Variants in SKAP2 observed in about 807,000 individuals in gnomAD.
SKAP2 encodes src kinase associated phosphoprotein 2.
A neutral mutation model predicts 54.9 loss-of-function variants in SKAP2; 28 were observed. The observed-to-expected ratio is 0.51, with a 90% CI of 0.38 to 0.70. The LOEUF is 0.70. Among genes scored for constraint, SKAP2 ranks in the 30% least tolerant of loss-of-function variants. SKAP2 has a pLI of 0.00. For missense variants in SKAP2, 356 were observed against 424.1 expected (o/e 0.84, Z 1.41); for synonymous variants, 137 against 134.3 (o/e 1.02, Z -0.14).
intron 1 of SKAP2, among the ~76,000 whole-genome samples, chr7:26,862,911 G>A (rs746884799): frequency 2.6e-5 from 4 of 151,926 alleles, no homozygotes; most frequent in East Asian, 1.9e-4. Context: ...ATTTTTCTGC[G>A]CTGGTTATTA....
chr7:26,833,149 GAC>G (rs1784630877), intron 4 of SKAP2, among the ~76,000 whole-genome samples: 1 of 152,002 alleles, frequency 6.6e-6, no homozygotes, highest in Non-Finnish European at 1.5e-5. Context: ...GGAATTAAAA[GAC>G]ACAAACTGTG....
At chr7:26,857,751 A>T (rs1002647049) in intron 1 of SKAP2, 24 of 984,784 alleles carry the variant, frequency 2.4e-5, no homozygotes, top group Admixed American at 1.8e-4. Context: ...TTTGTAGCTC[A>T]GAGCCAGGGT....
At position 26,670,071 on chromosome 7, in the gene SKAP2, T is replaced by C; in HGVS notation, c.*9+20A>G. Reference sequence around the variant, plus strand: ...AGAACATATGAGCTATTACAGAATATTGGATTAAAATGTACTTACCCAGGA... The same window carrying C: ...AGAACATATGAGCTATTACAGAATACTGGATTAAAATGTACTTACCCAGGA... On this transcript the variant is annotated intron_variant, in intron 12 of 12. Coordinates refer to ENST00000345317, the MANE Select transcript of SKAP2 (RefSeq NM_003930.5). 1 of 968,192 alleles carries C rather than the reference T, an allele frequency of 1.0e-6. No homozygotes were observed. The highest frequency in any genetic ancestry group is 1.7e-6 in the Non-Finnish European group (1 of 591,200). 60.0% of individuals were successfully genotyped at this position (968,192 alleles called of 1,614,324 possible). A position where few individuals can be genotyped will look rare whatever the true frequency, so the allele number is the denominator to read the frequency against.
chr7:26,757,785 G>A (rs1562599488), intron 4 of SKAP2, among the ~76,000 whole-genome samples: 1 of 152,084 alleles, frequency 6.6e-6, no homozygotes, highest in Non-Finnish European at 1.5e-5. Flanking sequence ...TTTTTGAGAT[G>A]GAGTCTTGCT....
intron 4 of SKAP2, among the ~76,000 whole-genome samples, chr7:26,741,354 C>A (rs536863612): frequency 6.6e-6 from 1 of 151,528 alleles, no homozygotes; most frequent in Non-Finnish European, 1.5e-5. Flanking sequence ...CCCATCTCTA[C>A]GAAAAATTTA....
At chr7:26,845,803 C>A (rs962330195) in intron 3 of SKAP2, among the ~76,000 whole-genome samples, 2 of 151,960 alleles carry the variant, frequency 1.3e-5, no homozygotes, top group African/African-American at 4.8e-5. Flanking sequence ...GTGTGGTGGC[C>A]TGCACCTATA....
chr7:26,793,712 T>C (rs1783714766), intron 4 of SKAP2, among the ~76,000 whole-genome samples: 1 of 152,148 alleles, frequency 6.6e-6, no homozygotes, highest in Non-Finnish European at 1.5e-5. Context: ...AGTTTCCTCA[T>C]CTGTAAAATA....
At chr7:26,827,368 C>T (rs1339342887) in intron 4 of SKAP2, among the ~76,000 whole-genome samples, 1 of 152,122 alleles carries the variant, frequency 6.6e-6, no homozygotes, top group Non-Finnish European at 1.5e-5. Context: ...GAAAAACTTT[C>T]AGCACGCTCC....
intron 4 of SKAP2, among the ~76,000 whole-genome samples, chr7:26,785,482 G>A (rs926368003): frequency 6.6e-6 from 1 of 152,092 alleles, no homozygotes; most frequent in South Asian, 2.1e-4. Context: ...CATCGCGCCC[G>A]GCCGAGGAAA....
rs561698488 is a variant in SKAP2, at chr7:26,759,128, C to T, written c.308-19164G>A. On this transcript the variant is annotated intron_variant, in intron 4 of 12. Coordinates refer to ENST00000345317, the MANE Select transcript of SKAP2 (RefSeq NM_003930.5). ...AGGTAATAACTAGTATTCCAAATTC[C>T]ACCTGGGGAAATGAATTTTATGGCT... Among the ~76,000 whole-genome samples, 9 of 152,156 alleles carry T rather than the reference C, an allele frequency of 5.9e-5. 1 individual carries two copies. The South Asian group carries it at 1.7e-3, about 28-fold the overall frequency.
intron 4 of SKAP2, among the ~76,000 whole-genome samples, chr7:26,803,231 A>G (rs1160142632): frequency 3.3e-5 from 5 of 152,210 alleles, no homozygotes; most frequent in African/African-American, 1.2e-4. Context: ...CTGACAAGGG[A>G]TTAGTAACCA....
At position 26,854,156 on chromosome 7, in the gene SKAP2, A is replaced by T; in HGVS notation, c.180T>A (p.Leu60=). 6.3e-7 allele frequency: 1 copy of T among 1,584,316 alleles called. No homozygotes were observed. Among genetic ancestry groups the T allele is most frequent in the Non-Finnish European group, 8.6e-7 (1 of 1,164,570 alleles). ...ACTTACCTTTGTCTTGAAATTCCTGAAGATAGCTACAAAACAAAGAACATA... is the reference window on the plus strand; with the variant it reads ...ACTTACCTTTGTCTTGAAATTCCTGTAGATAGCTACAAAACAAAGAACATA... ...KKIKDVKSIY[L]QEFQDKGDAE... The change falls in exon 3 of 13, where the codon CTT becomes CTA. Residue 60 remains leucine (L), a synonymous_variant. Coordinates refer to ENST00000345317, the MANE Select transcript of SKAP2 (RefSeq NM_003930.5).
chr7:26,703,183 T>C (rs1787081943), intron 9 of SKAP2, among the ~76,000 whole-genome samples: 2 of 152,266 alleles, frequency 1.3e-5, no homozygotes, highest in South Asian at 2.1e-4. Flanking sequence ...AGAAGAAGAA[T>C]TGTCTTGGGC....
intron 9 of SKAP2, among the ~76,000 whole-genome samples, chr7:26,692,320 G>A (rs1206611461): frequency 2.0e-5 from 3 of 152,156 alleles, no homozygotes; most frequent in African/African-American, 7.2e-5. Context: ...AAAGAGTTGT[G>A]TTTTCAACAG....
chr7:26,749,518 G>A (rs867416095), intron 4 of SKAP2, among the ~76,000 whole-genome samples: 24 of 151,994 alleles, frequency 1.6e-4, no homozygotes, highest in African/African-American at 5.6e-4. Flanking sequence ...GGAGGCTGAG[G>A]CAGAAGGATC....
At chr7:26,687,531 G>C (rs1435969217) in intron 10 of SKAP2, among the ~76,000 whole-genome samples, 1 of 151,838 alleles carries the variant, frequency 6.6e-6, no homozygotes, top group Non-Finnish European at 1.5e-5. Context: ...AAAATCGTAA[G>C]TAGGGGGAAA....
intron 4 of SKAP2, among the ~76,000 whole-genome samples, chr7:26,743,230 G>A (rs1362059195): frequency 6.6e-6 from 1 of 152,132 alleles, no homozygotes; most frequent in Admixed American, 6.6e-5. Flanking sequence ...CTGGGTCTTA[G>A]TCCTTTGCAC....
At chr7:26,726,698 GAATT>G in intron 7 of SKAP2, 180 bp downstream of exon 7, 1 of 458,782 alleles carries the variant, frequency 2.2e-6, no homozygotes, top group South Asian at 3.8e-5. Context: ...GATAGTGTGT[GAATT>G]AATCTGAAAT....
At chr7:26,660,343 C>A in the SKAP2 span, among the ~76,000 whole-genome samples, 3 of 152,040 alleles carry the variant, frequency 2.0e-5, no homozygotes, top group African/African-American at 7.2e-5. Flanking sequence ...TGAGAATAAT[C>A]TTCTAGCATG....
Sources: gnomAD v4.1 joint callset for allele counts (sites outside exome capture counted in the v4.1 genomes callset) on GRCh38, gnomAD v4.1.1 for gene constraint, MANE v1.5 for transcripts, NCBI Gene and HGNC (gene_info 2026-07-23, HGNC 2026-07-21) for gene names.